LEAP2: variants seen among roughly 807,000 people sequenced by gnomAD.
LEAP2 encodes the protein liver enriched antimicrobial peptide 2.
In LEAP2, 13 loss-of-function variants were observed where a neutral mutation model predicts 9.3. That is an observed-to-expected ratio of 1.39 (90% CI 0.91 to 2.21). The LOEUF is 2.21. LEAP2 is among the 30% of genes most tolerant of loss of function. The pLI, the probability that LEAP2 is intolerant of heterozygous loss-of-function variation, is 0.00. For missense variants in LEAP2, 98 were observed against 94.0 expected (o/e 1.04, Z -0.17); for synonymous variants, 34 against 34.9 (o/e 0.98, Z 0.09).
chr5:132,875,030 CAAAAAAAAAAAA>C (rs35973948), exon 3 of LEAP2: 1 of 80,396 alleles, frequency 1.2e-5, no homozygotes, highest in Non-Finnish European at 2.2e-5. Flanking sequence ...GACTCTGTCT[CAAAAAAAAAAAA>C]AAAAAAAAAA....
At chr5:132,874,174 A>AG in intron 2 of LEAP2, 85 bp downstream of exon 2, 1 of 1,422,478 alleles carries the variant, frequency 7.0e-7, no homozygotes, top group Non-Finnish European at 9.6e-7. Context: ...CATGAACCTA[A>AG]GAATAAAGCT....
intron 1 of LEAP2, 36 bp downstream of exon 1, chr5:132,873,787 G>C: frequency 6.3e-7 from 1 of 1,595,924 alleles, no homozygotes; most frequent in East Asian, 2.2e-5. Flanking sequence ...TGTGTGTGGA[G>C]TGTGGAGATG....
rs1289906605 is a variant in LEAP2, at chr5:132,874,840, A to G, written c.*394A>G. On this transcript the variant is annotated 3_prime_UTR_variant, in exon 3 of 3. Transcript: ENST00000296877. ...GAGCTACATAATCAATAGCTACGTA[A>G]TCAACTTCAGCAAGTTCCTAAGCTG... The G allele has an allele frequency of 2.9e-6, 1 of 344,330 alleles. No individual in the cohort carries two copies. The highest frequency in any genetic ancestry group is 8.0e-5 in the East Asian group (1 of 12,544). 21.3% of individuals were successfully genotyped at this position (344,330 alleles called of 1,614,324 possible). A position where few individuals can be genotyped will look rare whatever the true frequency, so the allele number is the denominator to read the frequency against.
Position 132,874,735 on chromosome 5 carries a change from A to G in LEAP2, c.*289A>G, listed in dbSNP as rs749837413. The G allele has an allele frequency of 7.0e-5, 38 of 542,492 alleles. No homozygotes were observed. The highest frequency in any genetic ancestry group is 1.3e-4 in the East Asian group (4 of 30,076). 33.6% of individuals were successfully genotyped at this position (542,492 alleles called of 1,614,324 possible). ...TGGAATTCAAGCTTTTGAGGGAAAG[A>G]AGGATTCATTTTGTATACTAAAGAA... On this transcript the variant is annotated 3_prime_UTR_variant, in exon 3 of 3. Transcript: ENST00000296877.
At chr5:132,874,205 T>G (rs1402350523) in intron 2 of LEAP2, 116 bp downstream of exon 2, 4 of 1,196,416 alleles carry the variant, frequency 3.3e-6, no homozygotes, top group Non-Finnish European at 4.7e-6. Context: ...AGTTCTAGAC[T>G]GAGACTGGGA....
At position 132,874,004 on chromosome 5, in the gene LEAP2, A is replaced by G. The variant is rs1759780275; in HGVS notation, c.112A>G (p.Met38Val). Residue 38 changes from methionine to valine, a missense_variant, in exon 2 of 3, where the codon ATG (methionine) becomes GTG (valine). Physicochemically the swap from Met to Val is conservative, Grantham distance 21. Coordinates refer to ENST00000296877, the MANE Select transcript of LEAP2 (RefSeq NM_052971.3). ...VSSAKRRPRR[M>V]TPFWRGVSLR... is the part of the protein sequence containing the mutation. Reference sequence around the variant, plus strand: ...TTCGGCAAAGAGAAGGCCACGGAGAATGACCCCATTTTGGAGAGGGGTTTC... The same window carrying G: ...TTCGGCAAAGAGAAGGCCACGGAGAGTGACCCCATTTTGGAGAGGGGTTTC... 1 of 1,614,146 alleles carries G rather than the reference A, an allele frequency of 6.2e-7. No homozygotes were observed. The highest frequency in any genetic ancestry group is 2.2e-5 in the East Asian group (1 of 44,876).
intron 1 of LEAP2, 77 bp downstream of exon 1, chr5:132,873,828 C>T: frequency 6.3e-7 from 1 of 1,575,062 alleles, no homozygotes; most frequent in Non-Finnish European, 8.7e-7. Context: ...AAGCTAGATT[C>T]AGTCCTGAGG....
chr5:132,874,564 A>G lies in LEAP2; in HGVS notation c.*118A>G. On this transcript the variant is annotated 3_prime_UTR_variant, in exon 3 of 3. Coordinates refer to ENST00000296877, the MANE Select transcript of LEAP2 (RefSeq NM_052971.3). The stretch of plus-strand genomic sequence containing the variant: ...CAAGTGAAGCAATCTTGTATTTTTA[A>G]TATTTAAAGGCAGATGTACGCTTTA... 1 of 877,564 alleles carries G rather than the reference A, an allele frequency of 1.1e-6. No homozygotes were observed. The highest frequency in any genetic ancestry group is 1.9e-6 in the Non-Finnish European group (1 of 528,598). The allele number at this position is 877,564 out of a possible 1,614,324, so 54.4% of individuals were successfully genotyped here.
Position 132,873,711 on chromosome 5 carries a change from T to C in LEAP2, c.17T>C (p.Leu6Pro), listed in dbSNP as rs780221421. 30 of 1,613,948 alleles carry C rather than the reference T, an allele frequency of 1.9e-5. No individual in the cohort carries two copies. The highest frequency in any genetic ancestry group is 1.5e-4 in the Admixed American group (9 of 60,006). Residue 6 changes from leucine (L) to proline (P), a missense_variant, in exon 1 of 3, where the codon CTT (leucine) becomes CCT (proline). Leu to Pro is a moderately conservative substitution (Grantham distance 98). Coordinates refer to ENST00000296877, the MANE Select transcript of LEAP2 (RefSeq NM_052971.3). MWHLK[L>P]CAVLMIFLLL... is the part of the protein sequence containing the mutation. The stretch of plus-strand genomic sequence containing the variant: ...CCTGTCAAGATGTGGCACCTCAAAC[T>C]TTGTGCAGTCCTCATGATCTTCCTG...
chr5:132,873,878 GGAAT>G, intron 1 of LEAP2, 68 bp from the exon 2 acceptor site: 5 of 1,599,846 alleles, frequency 3.1e-6, no homozygotes, highest in Non-Finnish European at 4.3e-6. Flanking sequence ...TCTGCGGAAT[GGAAT>G]GATCACTCTT....
intron 1 of LEAP2, 21 bp from the exon 2 acceptor site, chr5:132,873,929 T>C (rs1317515003): frequency 1.2e-6 from 2 of 1,613,062 alleles, no homozygotes; most frequent in East Asian, 4.5e-5. Context: ...CTTTCATATC[T>C]GAATGTCTTT....
chr5:132,873,914 C>G (rs1429539290), intron 1 of LEAP2, 36 bp from the exon 2 acceptor site: 4 of 1,611,996 alleles, frequency 2.5e-6, no homozygotes, highest in East Asian at 4.5e-5. Context: ...AGCAGGGTGT[C>G]AACACTTTCA....
intron 1 of LEAP2, 55 bp from the exon 2 acceptor site, chr5:132,873,895 A>G: frequency 6.2e-7 from 1 of 1,608,596 alleles, no homozygotes; most frequent in Non-Finnish European, 8.5e-7. Flanking sequence ...TCACTCTTCC[A>G]AGGTGTGCAG....
In LEAP2 at chr5:132,873,998, C is replaced by G. The variant is rs556112485; in HGVS notation, c.106C>G (p.Arg36Gly). The G allele has an allele frequency of 6.2e-7, 1 of 1,613,982 alleles. No homozygotes were observed. The highest frequency in any genetic ancestry group is 1.3e-5 in the African/African-American group (1 of 74,904). The change falls in exon 2 of 3, where the codon CGG becomes GGG. Residue 36 changes from arginine (R) to glycine (G), a missense_variant. Coordinates refer to ENST00000296877, the MANE Select transcript of LEAP2 (RefSeq NM_052971.3). ...PEVSSAKRRP[R>G]RMTPFWRGVS... ...AGTGAGTTCGGCAAAGAGAAGGCCACGGAGAATGACCCCATTTTGGAGAGG... is the reference window on the plus strand; with the variant it reads ...AGTGAGTTCGGCAAAGAGAAGGCCAGGGAGAATGACCCCATTTTGGAGAGG...
chr5:132,874,863 C>T lies in LEAP2; in HGVS notation c.*417C>T, dbSNP rs1759797003. The stretch of plus-strand genomic sequence containing the variant: ...TAATCAACTTCAGCAAGTTCCTAAG[C>T]TGTGGCCCTGGATCCCTTCACTCCA... On this transcript the variant is annotated 3_prime_UTR_variant, in exon 3 of 3. Transcript: ENST00000296877. The T allele has an allele frequency of 3.0e-6, 1 of 332,364 alleles. No individual in the cohort carries two copies. Among genetic ancestry groups the T allele is most frequent in the Non-Finnish European group, 5.8e-6 (1 of 172,808 alleles). 20.6% of individuals were successfully genotyped at this position (332,364 alleles called of 1,614,324 possible).
intron 2 of LEAP2, 30 bp downstream of exon 2, chr5:132,874,119 G>A (rs778509129): frequency 3.7e-6 from 6 of 1,601,306 alleles, no homozygotes; most frequent in Non-Finnish European, 5.1e-6. Flanking sequence ...GCAGGGTTGG[G>A]CCAGAGAGCC....
Position 132,874,396 on chromosome 5 carries a change from T to G in LEAP2, c.198-14T>G. The G allele has an allele frequency of 6.2e-7, 1 of 1,612,424 alleles. No individual in the cohort carries two copies. Among genetic ancestry groups the G allele is most frequent in the Non-Finnish European group, 8.5e-7 (1 of 1,178,514 alleles). The stretch of plus-strand genomic sequence containing the variant: ...AGACCCAGTCTTAAAAAACTACCCT[T>G]TCTTTTCCCCTAGAAAAAGACGCTG... On this transcript the variant is annotated splice_polypyrimidine_tract_variant and intron_variant, in intron 2 of 2. Coordinates refer to ENST00000296877, the MANE Select transcript of LEAP2 (RefSeq NM_052971.3).
intron 2 of LEAP2, 109 bp from the exon 3 acceptor site, chr5:132,874,301 G>T (rs1759785671): frequency 2.7e-6 from 3 of 1,100,784 alleles, no homozygotes; most frequent in Admixed American, 1.7e-5. Flanking sequence ...CCATTCTTCA[G>T]TCTTTCCTGA....
At position 132,873,992 on chromosome 5, in the gene LEAP2, A is replaced by C. The variant is rs377649330; in HGVS notation, c.100A>C (p.Arg34=). 179 of 1,614,178 alleles carry C rather than the reference A, an allele frequency of 1.1e-4. No homozygotes were observed. The highest frequency in any genetic ancestry group is 3.7e-4 in the African/African-American group (28 of 75,052). ...ACCAGAAGTGAGTTCGGCAAAGAGAAGGCCACGGAGAATGACCCCATTTTG... is the reference window on the plus strand; with the variant it reads ...ACCAGAAGTGAGTTCGGCAAAGAGACGGCCACGGAGAATGACCCCATTTTG... ...PIPEVSSAKR[R]PRRMTPFWRG... is the part of the protein sequence containing the mutation. The change falls in exon 2 of 3, where the codon AGG becomes CGG. Residue 34 remains arginine (R), a synonymous_variant. Transcript: ENST00000296877.
Sources: allele counts gnomAD v4.1 joint callset, GRCh38; gene constraint gnomAD v4.1.1; transcripts MANE v1.5; gene names NCBI Gene and HGNC (gene_info 2026-07-23, HGNC 2026-07-21).